SLC25A20: variants seen among roughly 807,000 people sequenced by gnomAD.
SLC25A20 encodes the protein solute carrier family 25 member 20, also known as mitochondrial carnitine/acylcarnitine carrier protein.
In SLC25A20, 29 loss-of-function variants were observed where a neutral mutation model predicts 39.7. The ratio of observed to expected loss-of-function variants is 0.73; its 90% CI spans 0.54 to 1.00. The LOEUF (loss-of-function observed/expected upper bound fraction) is 1.00, where lower values mean the gene tolerates loss of function less well. Ranked by LOEUF, SLC25A20 falls within the 50% of genes least tolerant of loss-of-function variation. SLC25A20 has a pLI of 0.00. For synonymous variants in SLC25A20, 103 were observed against 142.2 expected (o/e 0.72, Z 1.96); for missense variants, 333 against 379.9 (o/e 0.88, Z 1.03).
intron 2 of SLC25A20, among the ~76,000 whole-genome samples, chr3:48,891,061 ATC>A (rs1298034688): frequency 1.3e-5 from 2 of 151,832 alleles, no homozygotes; most frequent in African/African-American, 4.8e-5. Context: ...TTTTCTCTTT[ATC>A]TCTGTCTTGT....
chr3:48,884,055 A>T lies in SLC25A20; in HGVS notation c.268T>A (p.Phe90Ile). ...IGVTPMFAVC[F>I]FGFGLGKKLQ... ...TTCTTCCCCAAACCAAACCCAAAGA[A>T]GCACACGGCAAACATGGGAGTGACC... Residue 90 changes from phenylalanine to isoleucine, a missense_variant, in exon 3 of 9, where the codon TTC becomes ATC. Coordinates refer to ENST00000319017, the MANE Select transcript of SLC25A20 (RefSeq NM_000387.6). 1 of 1,614,040 alleles carries T rather than the reference A, an allele frequency of 6.2e-7. No individual in the cohort carries two copies. Among genetic ancestry groups the T allele is most frequent in the Non-Finnish European group, 8.5e-7 (1 of 1,179,942 alleles).
At chr3:48,875,396 A>G (rs9755751) in intron 4 of SLC25A20, among the ~76,000 whole-genome samples, 102,600 of 151,766 alleles carry the variant, frequency 0.68, 35,203 homozygotes, top group East Asian at 0.96. Context: ...CACCGCACCC[A>G]GCCTATTTAT....
chr3:48,881,435 T>G (rs1286386320), intron 3 of SLC25A20, among the ~76,000 whole-genome samples: 2 of 152,138 alleles, frequency 1.3e-5, no homozygotes, highest in Non-Finnish European at 2.9e-5. Context: ...CAGGGTGTCA[T>G]GTGGACACTC....
At chr3:48,871,565 C>T (rs533651655) in intron 4 of SLC25A20, among the ~76,000 whole-genome samples, 4 of 151,934 alleles carry the variant, frequency 2.6e-5, no homozygotes, top group South Asian at 4.2e-4. Flanking sequence ...GTAGGGAGTT[C>T]GAGACCAGCC....
intron 4 of SLC25A20, among the ~76,000 whole-genome samples, chr3:48,877,458 C>T (rs574509853): frequency 4.6e-5 from 7 of 151,768 alleles, no homozygotes; most frequent in East Asian, 3.9e-4. Flanking sequence ...GGGTTGGGCA[C>T]GGTGGCTCAC....
At chr3:48,890,959 C>T (rs1467982243) in intron 2 of SLC25A20, among the ~76,000 whole-genome samples, 1 of 151,490 alleles carries the variant, frequency 6.6e-6, no homozygotes, top group African/African-American at 2.4e-5. Flanking sequence ...CAGCCACCCC[C>T]TTGTCTTGTA....
intron 2 of SLC25A20, among the ~76,000 whole-genome samples, chr3:48,888,257 C>T (rs370706715): frequency 2.4e-4 from 35 of 147,672 alleles, no homozygotes; most frequent in Non-Finnish European, 4.3e-4. Context: ...CACTCAAGGA[C>T]GGTTGGGCAG....
chr3:48,880,452 T>C (rs1575987944), intron 3 of SLC25A20, among the ~76,000 whole-genome samples: 1 of 151,938 alleles, frequency 6.6e-6, no homozygotes, highest in Non-Finnish European at 1.5e-5. Flanking sequence ...AATTTTTGTA[T>C]TTTTAGTAGA....
chr3:48,890,158 T>C (rs887062184), intron 2 of SLC25A20, among the ~76,000 whole-genome samples: 2 of 152,204 alleles, frequency 1.3e-5, no homozygotes, highest in Admixed American at 6.5e-5. Flanking sequence ...TGTGCTTCAG[T>C]GATCACGCTC....
Position 48,862,678 on chromosome 3 carries a change from T to A in SLC25A20, c.418-19A>T, listed in dbSNP as rs1256923134. ...CCTGAATCTGGGAGGGAGGAGAGGA[T>A]CATTAAGTCAGAAACATCAGAGTCA... On this transcript the variant is annotated intron_variant, in intron 4 of 8. Transcript: ENST00000319017. 1.3e-6 allele frequency: 2 copies of A among 1,533,348 alleles called. No homozygotes were observed. Among genetic ancestry groups the A allele is most frequent in the Non-Finnish European group, 1.8e-6 (2 of 1,106,638 alleles). The allele number at this position is 1,533,348 out of a possible 1,614,324, so 95.0% of individuals were successfully genotyped here.
At chr3:48,894,961 G>A (rs2106668777) in intron 1 of SLC25A20, among the ~76,000 whole-genome samples, 1 of 152,176 alleles carries the variant, frequency 6.6e-6, no homozygotes, top group African/African-American at 2.4e-5. Context: ...GGGATTACAG[G>A]CATGTGCCAC....
chr3:48,863,624 A>G (rs1190794487), intron 4 of SLC25A20, among the ~76,000 whole-genome samples: 1 of 152,238 alleles, frequency 6.6e-6, no homozygotes, highest in Non-Finnish European at 1.5e-5. Context: ...CAATAATTAA[A>G]GCTGGAAAGG....
chr3:48,894,068 G>A (rs2083895927), intron 1 of SLC25A20, among the ~76,000 whole-genome samples: 1 of 150,552 alleles, frequency 6.6e-6, no homozygotes, highest in Admixed American at 6.6e-5. Context: ...GGCTGAGGCA[G>A]GAGAATTGCT....
intron 3 of SLC25A20, among the ~76,000 whole-genome samples, chr3:48,881,831 A>G (rs756935630): frequency 2.7e-4 from 41 of 152,322 alleles, no homozygotes; most frequent in Non-Finnish European, 4.9e-4. Flanking sequence ...CACAAGGACT[A>G]TCAATGGGCA....
At position 48,857,652 on chromosome 3, in the gene SLC25A20, T is replaced by A; in HGVS notation, c.*58A>T. The stretch of plus-strand genomic sequence containing the variant: ...AAGACTGCTTAGTTCTGCTTACTAC[T>A]CCTTCTCCTCAACGACAGCTTCCAG... On this transcript the variant is annotated 3_prime_UTR_variant, in exon 9 of 9. Coordinates refer to ENST00000319017, the MANE Select transcript of SLC25A20 (RefSeq NM_000387.6). The A allele has an allele frequency of 6.6e-7, 1 of 1,522,846 alleles. No individual in the cohort carries two copies. The highest frequency in any genetic ancestry group is 9.1e-7 in the Non-Finnish European group (1 of 1,100,760). The allele number at this position is 1,522,846 out of a possible 1,614,324, so 94.3% of individuals were successfully genotyped here.
intron 4 of SLC25A20, among the ~76,000 whole-genome samples, chr3:48,865,782 A>AG: frequency 6.6e-6 from 1 of 151,060 alleles, no homozygotes; most frequent in African/African-American, 2.4e-5. Flanking sequence ...CAAAAAAAAA[A>AG]AAAAGAAAAG....
rs547438978 is a variant in SLC25A20 at position 48,865,372 on chromosome 3, C to T, written c.418-2713G>A. ...CGATCTCTTGACCTCGTGATCCATC[C>T]GCCTCGGCCACCCAAAGTGCTGGGA... On this transcript the variant is annotated intron_variant, in intron 4 of 8. Transcript: ENST00000319017. Among the ~76,000 whole-genome samples the T allele has an allele frequency of 6.6e-5, 10 of 151,852 alleles. No homozygotes were observed. The South Asian group carries it at 2.1e-3, about 32-fold the overall frequency.
intron 2 of SLC25A20, among the ~76,000 whole-genome samples, chr3:48,891,575 G>C (rs1367341913): frequency 6.6e-6 from 1 of 151,986 alleles, no homozygotes; most frequent in Non-Finnish European, 1.5e-5. Flanking sequence ...CTCTCTACAT[G>C]TTGCCCAGGC....
intron 2 of SLC25A20, among the ~76,000 whole-genome samples, chr3:48,887,726 A>T (rs1575990930): frequency 6.6e-6 from 1 of 152,168 alleles, no homozygotes; most frequent in South Asian, 2.1e-4. Flanking sequence ...ATATGGTGAA[A>T]CCCCATCTCT....
Sources: gnomAD v4.1 joint callset for allele counts (sites outside exome capture counted in the v4.1 genomes callset) on GRCh38, gnomAD v4.1.1 for gene constraint, MANE v1.5 for transcripts, NCBI Gene and HGNC (gene_info 2026-07-23, HGNC 2026-07-21) for gene names.